The following IMPG1 variants were observed in gnomAD, a reference collection of about 807,000 sequenced individuals.
IMPG1 encodes the protein interphotoreceptor matrix proteoglycan 1, also known as interphotoreceptor matrix proteoglycan of 150 kDa.
In IMPG1, 85 loss-of-function variants were observed where a neutral mutation model predicts 92.0. That is an observed-to-expected ratio of 0.92 (90% CI 0.78 to 1.11). IMPG1 has a LOEUF of 1.11. Among genes scored for constraint, IMPG1 ranks in the 50% least tolerant of loss-of-function variants. The pLI is 0.00. For missense variants in IMPG1, 1,022 were observed against 956.0 expected (o/e 1.07, Z -0.91); for synonymous variants, 367 against 334.1 (o/e 1.10, Z -1.08).
chr6:76,009,167 A>T (rs1041203361), intron 8 of IMPG1, among the ~76,000 whole-genome samples: 1 of 152,184 alleles, frequency 6.6e-6, no homozygotes, highest in African/African-American at 2.4e-5. Flanking sequence ...GGCTTTGAAC[A>T]TTTGTGCACA....
chr6:76,005,519 C>G lies in IMPG1; in HGVS notation c.903G>C (p.Glu301Asp). The G allele has an allele frequency of 6.2e-7, 1 of 1,613,916 alleles. No individual in the cohort carries two copies. Among genetic ancestry groups the G allele is most frequent in the Non-Finnish European group, 8.5e-7 (1 of 1,179,908 alleles). The change falls in exon 10 of 17, where the codon GAG becomes GAC. Residue 301 changes from glutamate to aspartate, a missense_variant. This residue lies in a region of IMPG1 where 681 missense variants were observed against 583.6 expected (regional missense o/e 1.17). Coordinates refer to ENST00000369950, the MANE Select transcript of IMPG1 (RefSeq NM_001563.4). Reference protein sequence around the residue: ...KKEKDGSSSTEMQLTAIFKRH... With the variant: ...KKEKDGSSSTDMQLTAIFKRH... ...TCTTAAAGATGGCCGTAAGTTGCAT[C>G]TCTGTGGAGCTTGAGCTGTAGATAG...
chr6:75,999,782 C>G (rs1582095111), intron 12 of IMPG1, among the ~76,000 whole-genome samples: 1 of 152,226 alleles, frequency 6.6e-6, no homozygotes, highest in East Asian at 1.9e-4. Context: ...ATACAAATCA[C>G]AAGCTCAAAT....
At chr6:75,943,138 G>C (rs191031861) in intron 14 of IMPG1, among the ~76,000 whole-genome samples, 87 of 151,744 alleles carry the variant, frequency 5.7e-4, no homozygotes, top group African/African-American at 2.1e-3. Flanking sequence ...TTGTGAATCT[G>C]TGTTTGTGCA....
intron 14 of IMPG1, among the ~76,000 whole-genome samples, chr6:75,939,552 A>G (rs954666238): frequency 5.3e-5 from 8 of 152,230 alleles, no homozygotes; most frequent in Non-Finnish European, 8.8e-5. Flanking sequence ...ATGGCTGCAT[A>G]GTATTCCATG....
chr6:76,040,635 A>G (rs1210691573), intron 2 of IMPG1, among the ~76,000 whole-genome samples: 2 of 152,196 alleles, frequency 1.3e-5, no homozygotes, highest in Non-Finnish European at 2.9e-5. Context: ...CTACAGTGAG[A>G]GTCCTCTTTC....
At chr6:75,960,172 G>A (rs1191170737) in intron 12 of IMPG1, among the ~76,000 whole-genome samples, 1 of 152,124 alleles carries the variant, frequency 6.6e-6, no homozygotes, top group Admixed American at 6.5e-5. Context: ...ACCCCACCCT[G>A]CTTCAGCTCA....
Position 75,950,781 on chromosome 6 carries a change from C to T in IMPG1, c.1605G>A (p.Glu535=). 6.2e-7 allele frequency: 1 copy of T among 1,613,946 alleles called. No individual in the cohort carries two copies. Among genetic ancestry groups the T allele is most frequent in the African/African-American group, 1.3e-5 (1 of 75,050 alleles). The change falls in exon 13 of 17, where the codon GAG becomes GAA. Residue 535 remains glutamate, a synonymous_variant. Coordinates refer to ENST00000369950, the MANE Select transcript of IMPG1 (RefSeq NM_001563.4). ...CTGGGACAGAAACATATTCGCTGAG[C>T]TCTGGTACCTCAGATGGGGCAGGAG... ...SDTPAPSEVP[E]LSEYVSVPDH...
At chr6:75,945,983 G>A in intron 14 of IMPG1, among the ~76,000 whole-genome samples, 1 of 152,146 alleles carries the variant, frequency 6.6e-6, no homozygotes, top group East Asian at 1.9e-4. Context: ...AGGAAGACAG[G>A]GGATTGTGCT....
intron 1 of IMPG1, among the ~76,000 whole-genome samples, chr6:76,069,035 G>T (rs1017101005): frequency 6.6e-6 from 1 of 151,986 alleles, no homozygotes; most frequent in African/African-American, 2.4e-5. Context: ...GATATAAAAA[G>T]ATATATATAG....
chr6:75,995,983 G>C (rs1782893921), intron 12 of IMPG1, among the ~76,000 whole-genome samples: 1 of 152,220 alleles, frequency 6.6e-6, no homozygotes, highest in African/African-American at 2.4e-5. Context: ...ATAAATATTT[G>C]TTGAATGAAT....
At chr6:75,976,501 C>A (rs1396447671) in intron 12 of IMPG1, among the ~76,000 whole-genome samples, 2 of 152,130 alleles carry the variant, frequency 1.3e-5, no homozygotes, top group Non-Finnish European at 1.5e-5. Flanking sequence ...GCGGAGGTTG[C>A]AGTGAGCTGA....
chr6:76,070,895 A>T (rs1784394119), intron 1 of IMPG1, among the ~76,000 whole-genome samples: 1 of 152,060 alleles, frequency 6.6e-6, no homozygotes, highest in Non-Finnish European at 1.5e-5. Flanking sequence ...TGATGGTTAC[A>T]CTAAAGCCCA....
intron 12 of IMPG1, among the ~76,000 whole-genome samples, chr6:75,954,867 G>C (rs1782091686): frequency 6.6e-6 from 1 of 152,100 alleles, no homozygotes; most frequent in Non-Finnish European, 1.5e-5. Context: ...TATTAAATAG[G>C]GAATCATTTT....
chr6:75,940,919 A>T (rs1008716546), intron 14 of IMPG1, among the ~76,000 whole-genome samples: 1 of 152,018 alleles, frequency 6.6e-6, no homozygotes, highest in African/African-American at 2.4e-5. Flanking sequence ...ATACACCAAG[A>T]CCCAGCTCAA....
chr6:75,977,314 G>A (rs975444447), intron 12 of IMPG1, among the ~76,000 whole-genome samples: 6 of 152,094 alleles, frequency 3.9e-5, no homozygotes, highest in African/African-American at 7.2e-5. Context: ...GCCGCCAGGC[G>A]CGGTGGCTCA....
intron 2 of IMPG1, among the ~76,000 whole-genome samples, chr6:76,041,522 G>T (rs1451049854): frequency 6.6e-6 from 1 of 152,070 alleles, no homozygotes; most frequent in Non-Finnish European, 1.5e-5. Context: ...GAATCAATTT[G>T]CTTAGATTCC....
chr6:76,029,318 T>A (rs1783612588), intron 4 of IMPG1, among the ~76,000 whole-genome samples: 1 of 152,236 alleles, frequency 6.6e-6, no homozygotes, highest in Non-Finnish European at 1.5e-5. Flanking sequence ...CAGACTTCCA[T>A]CAAAGCCAAT....
chr6:76,039,376 G>A (rs1582123355), intron 2 of IMPG1, among the ~76,000 whole-genome samples: 1 of 145,730 alleles, frequency 6.9e-6, no homozygotes. Flanking sequence ...TTTTTTTTGG[G>A]ACGGAGTCTC....
chr6:75,982,550 T>C lies in IMPG1; in HGVS notation c.1291+20368A>G, dbSNP rs117179452. ...TAAAAAAAAAATGTGTATATCTATC[T>C]ATCTATCTATCTATATATCTATATA... On this transcript the variant is annotated intron_variant, in intron 12 of 16. Coordinates refer to ENST00000369950, the MANE Select transcript of IMPG1 (RefSeq NM_001563.4). Among the ~76,000 whole-genome samples the C allele has an allele frequency of 8.6e-3, 1,298 of 150,300 alleles. 23 individuals are homozygous for C. The highest frequency in any genetic ancestry group is 0.013 in the Non-Finnish European group (884 of 67,608).
Sources: gnomAD v4.1 joint callset for allele counts (sites outside exome capture counted in the v4.1 genomes callset) on GRCh38, gnomAD v4.1.1 for gene constraint, gnomAD v4.1.1 regional missense constraint, MANE v1.5 for transcripts, NCBI Gene and HGNC (gene_info 2026-07-23, HGNC 2026-07-21) for gene names.